IFT80: variants seen among roughly 807,000 people sequenced by gnomAD.
IFT80 encodes the protein intraflagellar transport 80, also known as intraflagellar transport protein 80 homolog.
Under a neutral mutation model 107.9 loss-of-function variants are expected in IFT80, and 79 were observed. The ratio of observed to expected loss-of-function variants is 0.73; its 90% CI spans 0.61 to 0.88. The LOEUF is 0.88. Among genes scored for constraint, IFT80 ranks in the 40% least tolerant of loss-of-function variants. IFT80 has a pLI of 0.00. For synonymous variants in IFT80, 299 were observed against 300.9 expected, an observed-to-expected ratio of 0.99 and a Z score of 0.07; for missense variants, 797 against 914.2, an observed-to-expected ratio of 0.87 and a Z score of 1.65.
At chr3:160,319,657 T>A in intron 9 of IFT80, 103 bp downstream of exon 9, 1 of 1,041,846 alleles carries the variant, frequency 9.6e-7, no homozygotes, top group South Asian at 1.4e-5. Flanking sequence ...ACTGAATTTT[T>A]ATAAGCTTGA....
At chr3:160,262,492 T>A (rs569249057) in intron 19 of IFT80, among the ~76,000 whole-genome samples, 54 of 121,970 alleles carry the variant, frequency 4.4e-4, no homozygotes, top group Non-Finnish European at 7.3e-4. Flanking sequence ...GCTAATTTTT[T>A]AAATTTTTTT....
intron 6 of IFT80, among the ~76,000 whole-genome samples, chr3:160,362,589 T>A (rs150970376): frequency 6.6e-6 from 1 of 152,060 alleles, no homozygotes; most frequent in Non-Finnish European, 1.5e-5. Context: ...TAGACCAATA[T>A]CCCTGATGAA....
intron 18 of IFT80, among the ~76,000 whole-genome samples, chr3:160,272,985 C>A (rs1009543929): frequency 2.6e-5 from 4 of 152,122 alleles, no homozygotes; most frequent in Non-Finnish European, 5.9e-5. Context: ...TCATTTTATA[C>A]GAAGAACTTG....
chr3:160,375,413 T>C (rs1232217588), intron 5 of IFT80, among the ~76,000 whole-genome samples: 1 of 152,160 alleles, frequency 6.6e-6, no homozygotes, highest in Non-Finnish European at 1.5e-5. Context: ...GTTAATATTA[T>C]GAAGTTATCG....
intron 12 of IFT80, among the ~76,000 whole-genome samples, chr3:160,299,837 C>A (rs911993204): frequency 6.6e-6 from 1 of 152,092 alleles, no homozygotes; most frequent in Non-Finnish European, 1.5e-5. Context: ...CAGACCGACC[C>A]CCTCCAAATG....
At chr3:160,385,488 A>G (rs1435945163) in intron 1 of IFT80, among the ~76,000 whole-genome samples, 1 of 152,242 alleles carries the variant, frequency 6.6e-6, no homozygotes, top group East Asian at 1.9e-4. Context: ...ACTGCTAACT[A>G]CATCAAAGGA....
intron 1 of IFT80, among the ~76,000 whole-genome samples, chr3:160,395,642 G>C (rs1256303430): frequency 6.6e-6 from 1 of 152,182 alleles, no homozygotes; most frequent in Non-Finnish European, 1.5e-5. Flanking sequence ...TATGAGGCTG[G>C]AGTTGCTGTA....
chr3:160,370,934 A>G lies in IFT80; in HGVS notation c.440-4782T>C, dbSNP rs115876249. 5.8e-3 allele frequency among the ~76,000 whole-genome samples: 878 copies of G among 152,240 alleles called. 9 individuals are homozygous for G. Among genetic ancestry groups the G allele is most frequent in the Middle Eastern group, 0.01 (3 of 294 alleles). The stretch of plus-strand genomic sequence containing the variant: ...ATTTGAAATCTTACTGGCCACCTCT[A>G]TTTAATCTCTACCTCCTCTAGTTTA... On this transcript the variant is annotated intron_variant, in intron 5 of 19. Transcript: ENST00000326448.
At chr3:160,349,293 G>A (rs970219076) in intron 8 of IFT80, among the ~76,000 whole-genome samples, 2 of 151,782 alleles carry the variant, frequency 1.3e-5, no homozygotes, top group Admixed American at 1.3e-4. Context: ...AATAAAAAAT[G>A]CAAAAATTCG....
intron 8 of IFT80, among the ~76,000 whole-genome samples, chr3:160,347,544 T>A (rs1216204800): frequency 6.6e-6 from 1 of 152,108 alleles, no homozygotes. Context: ...CACAAAATCA[T>A]CTAAAGAGGA....
intron 8 of IFT80, 91 bp from the exon 9 acceptor site, chr3:160,320,030 A>AT: frequency 1.2e-6 from 1 of 848,894 alleles, no homozygotes; most frequent in Non-Finnish European, 1.9e-6. Context: ...TAATAAGATC[A>AT]TTTTTAAAAG....
At chr3:160,375,325 T>C (rs1345245336) in intron 5 of IFT80, among the ~76,000 whole-genome samples, 11 of 152,166 alleles carry the variant, frequency 7.2e-5, no homozygotes, top group Admixed American at 7.2e-4. Context: ...CTCTAAATAG[T>C]GTGGTTTCAG....
At chr3:160,344,309 C>T (rs1720127404) in intron 8 of IFT80, among the ~76,000 whole-genome samples, 1 of 152,064 alleles carries the variant, frequency 6.6e-6, no homozygotes, top group African/African-American at 2.4e-5. Context: ...TTTCCTTTGG[C>T]TCTTTGAGCA....
At chr3:160,374,333 CAGG>C (rs1388823742) in intron 5 of IFT80, among the ~76,000 whole-genome samples, 1 of 150,646 alleles carries the variant, frequency 6.6e-6, no homozygotes, top group Admixed American at 6.6e-5. Context: ...CGATTGAGTC[CAGG>C]AGGAGGAGGT....
intron 8 of IFT80, among the ~76,000 whole-genome samples, chr3:160,332,704 C>T (rs1719175619): frequency 6.6e-6 from 1 of 152,206 alleles, no homozygotes. Context: ...TCTGTTGCCT[C>T]TCTTCTTATG....
intron 19 of IFT80, among the ~76,000 whole-genome samples, chr3:160,265,463 G>A (rs953726129): frequency 3.3e-5 from 5 of 152,078 alleles, no homozygotes; most frequent in Non-Finnish European, 5.9e-5. Flanking sequence ...GTATTTCCCA[G>A]ATCTACTTTT....
chr3:160,304,010 A>G (rs763425640), intron 10 of IFT80, 21 bp from the exon 11 acceptor site: 3 of 1,455,906 alleles, frequency 2.1e-6, no homozygotes, highest in Admixed American at 1.7e-5. Flanking sequence ...AGTAAAATGG[A>G]TATTTATTAA....
chr3:160,385,153 C>A (rs1007215221), intron 1 of IFT80, among the ~76,000 whole-genome samples: 1 of 152,040 alleles, frequency 6.6e-6, no homozygotes, highest in African/African-American at 2.4e-5. Context: ...ACCACAGTGA[C>A]AATGTGAAAA....
chr3:160,327,972 G>T (rs1718794896), intron 8 of IFT80, among the ~76,000 whole-genome samples: 2 of 151,994 alleles, frequency 1.3e-5, no homozygotes, highest in Non-Finnish European at 2.9e-5. Context: ...CATCTATTAG[G>T]AACTTAAACA....
Sources: gnomAD v4.1 joint callset for allele counts (sites outside exome capture counted in the v4.1 genomes callset) on GRCh38, gnomAD v4.1.1 for gene constraint, MANE v1.5 for transcripts, NCBI Gene and HGNC (gene_info 2026-07-23, HGNC 2026-07-21) for gene names.